Variants in PFKL observed in about 807,000 individuals in gnomAD.
The protein encoded by PFKL is ATP-dependent 6-phosphofructokinase, liver type.
A neutral mutation model predicts 92.1 loss-of-function variants in PFKL; 74 were observed. The observed-to-expected ratio is 0.80, with a 90% confidence interval of 0.67 to 0.97. The LOEUF is 0.97. Ranked by LOEUF, PFKL falls within the 50% of genes least tolerant of loss-of-function variation. The pLI is 0.00. For missense variants in PFKL, 1,028 were observed against 1,116.6 expected (o/e 0.92, Z 1.13); for synonymous variants, 494 against 456.4 (o/e 1.08, Z -1.05).
intron 2 of PFKL, among the ~76,000 whole-genome samples, chr21:44,308,487 G>A (rs2041018272): frequency 6.6e-6 from 1 of 152,150 alleles, no homozygotes; most frequent in Non-Finnish European, 1.5e-5. Flanking sequence ...GAGAGGTAGG[G>A]CGAAGATGCT....
rs1296133474 is a variant in PFKL at position 44,326,008 on chromosome 21, G to T, written c.2037G>T (p.Gly679=). The part of the protein sequence containing the change: ...PFDRNYGTKL[G]VKAMLWLSEK... ...ACCGGAACTATGGGACCAAGCTGGG[G>T]GTGAAGGCCATGCTGTGGTTGTCGG... The change falls in exon 20 of 22, where the codon GGG becomes GGT. Residue 679 remains glycine, a synonymous_variant. Coordinates refer to ENST00000349048, the MANE Select transcript of PFKL (RefSeq NM_002626.6). The T allele has an allele frequency of 6.2e-7, 1 of 1,613,914 alleles. No homozygotes were observed. The highest frequency in any genetic ancestry group is 1.1e-5 in the South Asian group (1 of 91,078).
chr21:44,319,659 G>A, intron 11 of PFKL: 1 of 576,916 alleles, frequency 1.7e-6, no homozygotes, highest in South Asian at 2.1e-5. Flanking sequence ...CATGGCGAGG[G>A]GATGAGAAGC....
At chr21:44,324,829 G>A (rs1234040788) in intron 17 of PFKL, 27 bp from the exon 18 acceptor site, 2 of 1,601,060 alleles carry the variant, frequency 1.2e-6, no homozygotes, top group African/African-American at 2.7e-5. Context: ...CAGTCCTCCG[G>A]CTCATCCGTG....
In PFKL at chr21:44,323,009, T is replaced by C; in HGVS notation, c.1457T>C (p.Ile486Thr). 6.2e-7 allele frequency: 1 copy of C among 1,613,140 alleles called. No individual in the cohort carries two copies. Among genetic ancestry groups the C allele is most frequent in the Non-Finnish European group, 8.5e-7 (1 of 1,179,686 alleles). Residue 486 changes from isoleucine (I) to threonine (T), a missense_variant, in exon 15 of 22, where the codon ATC becomes ACC. Coordinates refer to ENST00000349048, the MANE Select transcript of PFKL (RefSeq NM_002626.6). Reference sequence around the variant, plus strand: ...GAGTCCATTGTGGAGAACATCCGCATCTATGGTATTCACGCCCTGCTGGTG... The same window carrying C: ...GAGTCCATTGTGGAGAACATCCGCACCTATGGTATTCACGCCCTGCTGGTG... ...QLESIVENIR[I>T]YGIHALLVVG... is the part of the protein sequence containing the mutation.
chr21:44,314,325 T>C (rs2047140414), intron 7 of PFKL: 1 of 360,940 alleles, frequency 2.8e-6, no homozygotes, highest in Non-Finnish European at 5.1e-6. Context: ...GGGGTGGGAC[T>C]GCTGAGCCTG....
chr21:44,300,063 A>T lies in PFKL; in HGVS notation c.-43A>T, dbSNP rs1256140748. 1.1e-5 allele frequency: 10 copies of T among 938,750 alleles called. No homozygotes were observed. Among genetic ancestry groups the T allele is most frequent in the Non-Finnish European group, 1.2e-5 (9 of 781,436 alleles). 58.2% of individuals were successfully genotyped at this position (938,750 alleles called of 1,614,324 possible). A position where few individuals can be genotyped will look rare whatever the true frequency, so the allele number is the denominator to read the frequency against. Reference sequence around the variant, plus strand: ...CGGGGCGGGGACGGCGACGCGGCGCAGGCGGCGGGAGTGCGAGCTGGGCCC... The same window carrying T: ...CGGGGCGGGGACGGCGACGCGGCGCTGGCGGCGGGAGTGCGAGCTGGGCCC... On this transcript the variant is annotated 5_prime_UTR_variant, in exon 1 of 22. Transcript: ENST00000349048.
intron 9 of PFKL, among the ~76,000 whole-genome samples, chr21:44,318,102 G>A (rs1450511188): frequency 1.3e-5 from 2 of 152,266 alleles, no homozygotes; most frequent in African/African-American, 2.4e-5. Context: ...GGGAAGTCAC[G>A]ACATGAGGGC....
chr21:44,303,898 C>G (rs1048182969), intron 1 of PFKL, among the ~76,000 whole-genome samples: 1 of 152,058 alleles, frequency 6.6e-6, no homozygotes, highest in Non-Finnish European at 1.5e-5. Flanking sequence ...ACTGCGGTGT[C>G]GGCGACTGCT....
intron 1 of PFKL, among the ~76,000 whole-genome samples, chr21:44,300,537 G>A (rs909529725): frequency 1.2e-4 from 18 of 152,202 alleles, no homozygotes; most frequent in African/African-American, 4.3e-4. Flanking sequence ...CCCAGAGCCT[G>A]GCCCTTCCTG....
In PFKL at chr21:44,312,245, C is replaced by A; in HGVS notation, c.378C>A (p.Asn126Lys). 10 of 1,599,496 alleles carry A rather than the reference C, an allele frequency of 6.3e-6. No individual in the cohort carries two copies. Among genetic ancestry groups the A allele is most frequent in the Non-Finnish European group, 8.5e-6 (10 of 1,173,918 alleles). ...GGGATGGCAGCCTCACAGGTGCCAA[C>A]ATCTTCCGCAGCGAGTGGGGCAGCC... ...IGGDGSLTGA[N>K]IFRSEWGSLL... The change falls in exon 4 of 22, where the codon AAC becomes AAA. Residue 126 changes from asparagine (N) to lysine (K), a missense_variant. Asn to Lys is a moderately conservative substitution (Grantham distance 94, BLOSUM62 0). Coordinates refer to ENST00000349048, the MANE Select transcript of PFKL (RefSeq NM_002626.6).
At position 44,300,193 on chromosome 21, in the gene PFKL, G is replaced by A; in HGVS notation, c.85+3G>A. On this transcript the variant is annotated splice_donor_region_variant and intron_variant, in intron 1 of 21. Transcript: ENST00000349048. ...GACCAGCGGCGGCGACGCGCAAGGTGGGCGGGGGTCCCGGCCGCGTCGCGG... is the reference window on the plus strand; with the variant it reads ...GACCAGCGGCGGCGACGCGCAAGGTAGGCGGGGGTCCCGGCCGCGTCGCGG... 2 of 1,111,608 alleles carry A rather than the reference G, an allele frequency of 1.8e-6. No homozygotes were observed. Among genetic ancestry groups the A allele is most frequent in the Non-Finnish European group, 2.2e-6 (2 of 909,110 alleles). 68.9% of individuals were successfully genotyped at this position (1,111,608 alleles called of 1,614,324 possible). A position where few individuals can be genotyped will look rare whatever the true frequency, so the allele number is the denominator to read the frequency against.
chr21:44,306,616 T>TGGGGG (rs111498206), intron 1 of PFKL, 65 bp from the exon 2 acceptor site: 71 of 1,393,660 alleles, frequency 5.1e-5, no homozygotes, highest in African/African-American at 1.1e-4. Flanking sequence ...TCCTCTGAGA[T>TGGGGG]GGGGAGGGTG....
chr21:44,322,251 G>C (rs1161209898), intron 14 of PFKL, 48 bp downstream of exon 14: 1 of 1,554,294 alleles, frequency 6.4e-7, no homozygotes, highest in Non-Finnish European at 8.7e-7. Context: ...CCAGGGCGCA[G>C]TATCCAGGCC....
chr21:44,326,208 G>T lies in PFKL; in HGVS notation c.2139G>T (p.Lys713Asn). The change falls in exon 21 of 22, where the codon AAG becomes AAT. Residue 713 changes from lysine (K) to asparagine (N), a missense_variant. Transcript: ENST00000349048. ...ACTCGGCCTGCGTGATCGGCCTGAA[G>T]AAGAAGGCGGTGGCCTTCAGCCCCG... ...APDSACVIGL[K>N]KKAVAFSPVT... 2.5e-6 allele frequency: 4 copies of T among 1,613,134 alleles called. No individual in the cohort carries two copies. Among genetic ancestry groups the T allele is most frequent in the Non-Finnish European group, 3.4e-6 (4 of 1,179,854 alleles).
At chr21:44,315,646 G>A (rs2047182021) in intron 7 of PFKL, 1 of 154,364 alleles carries the variant, frequency 6.5e-6, no homozygotes. Context: ...AGAGAGCTGG[G>A]CCGCGGCTGG....
chr21:44,325,432 G>C, intron 19 of PFKL, 168 bp downstream of exon 19: 1 of 599,284 alleles, frequency 1.7e-6, no homozygotes, highest in African/African-American at 1.9e-5. Flanking sequence ...ATCTAGGTGA[G>C]GTCTCATTTC....
chr21:44,311,129 C>G, intron 3 of PFKL, 46 bp downstream of exon 3: 1 of 1,470,010 alleles, frequency 6.8e-7, no homozygotes, highest in Non-Finnish European at 9.5e-7. Context: ...GACTCGCAGA[C>G]AGACACACAG....
intron 1 of PFKL, among the ~76,000 whole-genome samples, chr21:44,304,892 G>C (rs939519902): frequency 1.3e-5 from 2 of 152,154 alleles, no homozygotes; most frequent in Non-Finnish European, 2.9e-5. Context: ...GGATGTGAGG[G>C]AGGCACTGTT....
chr21:44,313,190 G>A (rs142708696), intron 5 of PFKL, 47 bp downstream of exon 5: 34,383 of 1,593,428 alleles, frequency 0.022, 452 homozygotes, highest in Non-Finnish European at 0.026. Context: ...CCTCCTCCCC[G>A]CACGGTGGTG....
Sources: gnomAD v4.1 joint callset for allele counts (sites outside exome capture counted in the v4.1 genomes callset) on GRCh38, gnomAD v4.1.1 for gene constraint, MANE v1.5 for transcripts, NCBI Gene and HGNC (gene_info 2026-07-23, HGNC 2026-07-21) for gene names.